The following CD207 variants were observed in gnomAD, a reference collection of about 807,000 sequenced individuals.
The protein encoded by CD207 is CD207 molecule, also known as C-type lectin domain family 4 member K.
In CD207, 28 loss-of-function variants were observed where a neutral mutation model predicts 31.6. The observed-to-expected ratio is 0.89, with a 90% CI of 0.66 to 1.21. The LOEUF (loss-of-function observed/expected upper bound fraction) is 1.21, where lower values mean the gene tolerates loss of function less well. Among genes scored for constraint, CD207 ranks in the 50% most tolerant of loss-of-function variants. The pLI is 0.00. For synonymous variants in CD207, 168 were observed against 153.9 expected (o/e 1.09, Z -0.68); for missense variants, 388 against 397.8 (o/e 0.98, Z 0.21).
At chr2:70,829,144 G>A (rs1420491733), downstream of CD207, among the ~76,000 whole-genome samples, 1 of 152,186 alleles carries the variant, frequency 6.6e-6, no homozygotes, top group Non-Finnish European at 1.5e-5. Context: ...GAAATGGTCT[G>A]ATTTTCCCAG....
chr2:70,831,922 G>T, intron 4 of CD207, 103 bp from the exon 5 acceptor site: 1 of 761,210 alleles, frequency 1.3e-6, no homozygotes, highest in Non-Finnish European at 2.3e-6. Flanking sequence ...CTGACCCACA[G>T]ATGCGCTGCA....
downstream of CD207, among the ~76,000 whole-genome samples, chr2:70,829,631 CT>C (rs1553399346): frequency 6.6e-6 from 1 of 152,164 alleles, no homozygotes; most frequent in African/African-American, 2.4e-5. Flanking sequence ...AGGGTTAGGT[CT>C]TTGGGGCCCT....
downstream of CD207, among the ~76,000 whole-genome samples, chr2:70,826,369 A>T (rs1677344699): frequency 8.8e-6 from 1 of 113,832 alleles, no homozygotes; most frequent in African/African-American, 3.2e-5. Context: ...AAATAAATAA[A>T]TAATTAAATT....
chr2:70,825,975 A>G (rs1448820289), downstream of CD207, among the ~76,000 whole-genome samples: 1 of 134,144 alleles, frequency 7.5e-6, no homozygotes, highest in Non-Finnish European at 1.6e-5. Flanking sequence ...GCAAGACCTC[A>G]TCTCTACTAA....
downstream of CD207, among the ~76,000 whole-genome samples, chr2:70,827,187 G>A (rs1431931336): frequency 6.6e-6 from 1 of 152,190 alleles, no homozygotes; most frequent in South Asian, 2.1e-4. Flanking sequence ...CTCAGCTTAT[G>A]TGCCTCTTCC....
In CD207 at chr2:70,835,585, T is replaced by C. The variant is rs1017082055; in HGVS notation, c.96A>G (p.Pro32=). ...TGGGTGTTTTCCCCGGGACCAGAGA[T>C]GGACCGGACTTGGGAGGAGGCTCTG... The part of the protein sequence containing the change: ...WPREPPPKSG[P]SLVPGKTPTV... The change falls in exon 2 of 6, where the codon CCA becomes CCG. Residue 32 remains proline (P), a synonymous_variant. Transcript: ENST00000410009. 15 of 1,613,974 alleles carry C rather than the reference T, an allele frequency of 9.3e-6. No individual in the cohort carries two copies. The highest frequency in any genetic ancestry group is 1.3e-5 in the Non-Finnish European group (15 of 1,179,860).
chr2:70,833,244 T>C (rs971874024), intron 3 of CD207, among the ~76,000 whole-genome samples, 193 bp from the exon 4 acceptor site: 2 of 152,122 alleles, frequency 1.3e-5, no homozygotes, highest in African/African-American at 2.4e-5. Context: ...ATAGAGTCTC[T>C]GGGACTGGAG....
chr2:70,824,613 C>A, the CD207 span, among the ~76,000 whole-genome samples: 1 of 27,872 alleles, frequency 3.6e-5, no homozygotes, highest in African/African-American at 1.2e-4. Flanking sequence ...TAAGGAGATG[C>A]TTAGTTACCA....
At chr2:70,829,606 A>G (rs148196946), downstream of CD207, among the ~76,000 whole-genome samples, 233 of 152,310 alleles carry the variant, frequency 1.5e-3, 1 homozygote, top group African/African-American at 5.2e-3. Context: ...ATATCTGGTG[A>G]GAGGCAGGGA....
At chr2:70,830,141 T>G (rs545314713), downstream of CD207, 1 of 152,356 alleles carries the variant, frequency 6.6e-6, no homozygotes, top group East Asian at 1.9e-4. Flanking sequence ...TAGAACTTCA[T>G]GTCCACCAGA....
chr2:70,824,621 CCAAAAAAAA>C, the CD207 span, among the ~76,000 whole-genome samples: 11 of 38,252 alleles, frequency 2.9e-4, no homozygotes, highest in African/African-American at 3.9e-4. Context: ...TGCTTAGTTA[CCAAAAAAAA>C]AAAAAAAAAA....
downstream of CD207, among the ~76,000 whole-genome samples, chr2:70,825,514 G>A (rs1298087341): frequency 6.6e-6 from 1 of 152,138 alleles, no homozygotes; most frequent in Non-Finnish European, 1.5e-5. Context: ...TTTCTGTAAA[G>A]CTGAAACTAT....
chr2:70,835,573 C>CG lies in CD207; in HGVS notation c.107dup (p.Lys38GlufsTer57). The CG allele has an allele frequency of 6.2e-7, 1 of 1,613,938 alleles. No individual in the cohort carries two copies. Among genetic ancestry groups the CG allele is most frequent in the Non-Finnish European group, 8.5e-7 (1 of 1,179,852 alleles). ...CAGCACGGACTGTGGGTGTTTTCCC[C>CG]GGGACCAGAGATGGACCGGACTTGG... On this transcript the variant is annotated frameshift_variant, in exon 2 of 6. Coordinates refer to ENST00000410009, the MANE Select transcript of CD207 (RefSeq NM_015717.5). LOFTEE classifies it high-confidence loss of function.
chr2:70,832,163 C>T (rs895518422), intron 4 of CD207, among the ~76,000 whole-genome samples: 17 of 152,224 alleles, frequency 1.1e-4, no homozygotes, highest in African/African-American at 4.1e-4. Flanking sequence ...AATCCACATA[C>T]GGCACTGTGC....
the CD207 span, among the ~76,000 whole-genome samples, chr2:70,824,622 C>CAAAAAAAAAAAAAAAAAAAAAAA: frequency 2.6e-5 from 1 of 38,768 alleles, no homozygotes; most frequent in African/African-American, 1.0e-4. Context: ...GCTTAGTTAC[C>CAAAAAAAAAAAAAAAAAAAAAAA]AAAAAAAAAA....
chr2:70,835,800 G>A lies in CD207; in HGVS notation c.-24C>T, dbSNP rs376268997. ...ATCCTGAGTGCTCACCCTTATCCTG[G>A]GAGCACAGGTGCTTCTGGCTGCCTG... On this transcript the variant is annotated 5_prime_UTR_variant, in exon 1 of 6. Transcript: ENST00000410009. The A allele has an allele frequency of 2.0e-5, 31 of 1,585,976 alleles. No individual in the cohort carries two copies. The highest frequency in any genetic ancestry group is 2.4e-5 in the Non-Finnish European group (28 of 1,160,424).
intron 5 of CD207, 30 bp from the exon 6 acceptor site, chr2:70,831,230 A>C: frequency 1.3e-6 from 2 of 1,585,838 alleles, no homozygotes; most frequent in African/African-American, 1.4e-5. Context: ...AGATGGATTT[A>C]CAAAGTGGAA....
intron 2 of CD207, among the ~76,000 whole-genome samples, chr2:70,834,348 T>C (rs959031901): frequency 6.6e-6 from 1 of 152,020 alleles, no homozygotes; most frequent in Non-Finnish European, 1.5e-5. Flanking sequence ...GAACATTTGA[T>C]AAAGGGTGCC....
intron 3 of CD207, 74 bp downstream of exon 3, chr2:70,833,572 T>C: frequency 1.4e-6 from 2 of 1,450,564 alleles, no homozygotes; most frequent in Non-Finnish European, 1.8e-6. Flanking sequence ...ACCAGCCCAA[T>C]GGCCTCAGGT....
Sources: gnomAD v4.1 joint callset for allele counts (sites outside exome capture counted in the v4.1 genomes callset) on GRCh38, gnomAD v4.1.1 for gene constraint, MANE v1.5 for transcripts, NCBI Gene and HGNC (gene_info 2026-07-23, HGNC 2026-07-21) for gene names.